The following DENND2C variants were observed in gnomAD, a reference collection of about 807,000 sequenced individuals.
DENND2C encodes DENN domain-containing protein 2C.
Under a neutral mutation model 112.4 loss-of-function variants are expected in DENND2C, and 72 were observed. That is an observed-to-expected ratio of 0.64 (90% confidence interval 0.53 to 0.78). The LOEUF (loss-of-function observed/expected upper bound fraction) is 0.78, where lower values mean the gene tolerates loss of function less well. Among genes scored for constraint, DENND2C ranks in the 30% least tolerant of loss-of-function variants. The pLI is 0.00. For missense variants in DENND2C, 992 were observed against 1,113.8 expected (o/e 0.89, Z 1.56); for synonymous variants, 329 against 381.6 (o/e 0.86, Z 1.61).
chr1:114,647,719 C>T (rs560664110), intron 2 of DENND2C, among the ~76,000 whole-genome samples: 1 of 152,130 alleles, frequency 6.6e-6, no homozygotes, highest in East Asian at 1.9e-4. Context: ...CTACGCCTGA[C>T]CTGTATAGCA....
At chr1:114,621,805 CTAT>C (rs1656173390) in intron 7 of DENND2C, 87 bp downstream of exon 7, 5 of 1,488,632 alleles carry the variant, frequency 3.4e-6, no homozygotes, top group South Asian at 1.3e-5. Flanking sequence ...CAGTTCTAAC[CTAT>C]TATTCATTTC....
At position 114,647,665 on chromosome 1, in the gene DENND2C, C is replaced by T. The variant is rs1447637007; in HGVS notation, c.-316-2106G>A. Among the ~76,000 whole-genome samples, 4 of 152,250 alleles carry T rather than the reference C, an allele frequency of 2.6e-5. No individual in the cohort carries two copies. In the East Asian group the frequency reaches 7.7e-4, roughly 29 times the overall value. ...GTGACCCCTAACCTCAAGTGATTCG[C>T]CTGCCTCAGCCTCCCAAAGTGCTGA... On this transcript the variant is annotated intron_variant, in intron 2 of 20. Coordinates refer to ENST00000393274, the MANE Select transcript of DENND2C (RefSeq NM_001256404.2).
chr1:114,652,864 TC>T (rs1475347216), intron 2 of DENND2C, among the ~76,000 whole-genome samples: 1 of 151,770 alleles, frequency 6.6e-6, no homozygotes, highest in Non-Finnish European at 1.5e-5. Flanking sequence ...CTTTAAATAA[TC>T]TCGAGATTAC....
At chr1:114,656,420 CAG>C (rs1429429725) in intron 1 of DENND2C, among the ~76,000 whole-genome samples, 1 of 134,262 alleles carries the variant, frequency 7.4e-6, no homozygotes, top group Non-Finnish European at 1.6e-5. Context: ...TTTTTTGAGA[CAG>C]AGTCTTGCTC....
chr1:114,625,170 A>G lies in DENND2C; in HGVS notation c.806+9T>C, dbSNP rs1158340762. The stretch of plus-strand genomic sequence containing the variant: ...CCTACAAGTCTTTATCTGTAGGATA[A>G]AAACATACCTTTTAGATCTTCCTCT... On this transcript the variant is annotated intron_variant, in intron 4 of 20. Coordinates refer to ENST00000393274, the MANE Select transcript of DENND2C (RefSeq NM_001256404.2). The G allele has an allele frequency of 6.3e-7, 1 of 1,590,464 alleles. No individual in the cohort carries two copies. Among genetic ancestry groups the G allele is most frequent in the Admixed American group, 1.8e-5 (1 of 54,750 alleles).
intron 3 of DENND2C, among the ~76,000 whole-genome samples, chr1:114,634,745 C>T (rs190522714): frequency 2.2e-4 from 33 of 152,052 alleles, no homozygotes; most frequent in Admixed American, 1.9e-3. Context: ...AACTGGAACA[C>T]GGCCGGGCAT....
At position 114,648,051 on chromosome 1, in the gene DENND2C, AC is replaced by A. The variant is rs368146922; in HGVS notation, c.-316-2493del. 6.6e-5 allele frequency among the ~76,000 whole-genome samples: 10 copies of A among 151,172 alleles called. No homozygotes were observed. The East Asian group carries it at 1.8e-3, about 27-fold the overall frequency. On this transcript the variant is annotated intron_variant, in intron 2 of 20. Transcript: ENST00000393274. The stretch of plus-strand genomic sequence containing the variant: ...TCAAACTCCTGACCTCAGGTGATCC[AC>A]CCGCCTTGGCCTCCCAAAGTGCTGG...
chr1:114,605,491 G>A (rs983524897), intron 10 of DENND2C, among the ~76,000 whole-genome samples: 2 of 152,216 alleles, frequency 1.3e-5, no homozygotes, highest in Non-Finnish European at 2.9e-5. Context: ...TGAAATGGTA[G>A]ATGAATGTTA....
At chr1:114,641,136 A>G (rs949848373) in intron 3 of DENND2C, among the ~76,000 whole-genome samples, 1 of 152,020 alleles carries the variant, frequency 6.6e-6, no homozygotes, top group Admixed American at 6.6e-5. Flanking sequence ...AGGTGAACAG[A>G]ATAAATCACT....
rs140038341 is a variant in DENND2C, at chr1:114,625,817, G to T, written c.168C>A (p.Ile56=). 26 of 1,613,936 alleles carry T rather than the reference G, an allele frequency of 1.6e-5. No individual in the cohort carries two copies. Among genetic ancestry groups the T allele is most frequent in the Middle Eastern group, 1.6e-4 (1 of 6,080 alleles). ...CAGCTATAGGATTTTTCTTAAGACG[G>T]ATCTCTTGGTGACAGTTATATCTCA... ...FGVRYNCHQE[I]RLKKNPIAER... Residue 56 remains isoleucine (I), a synonymous_variant, in exon 4 of 21, where the codon ATC becomes ATA. Transcript: ENST00000393274.
At chr1:114,611,216 A>C (rs1655807577) in intron 8 of DENND2C, 99 bp from the exon 9 acceptor site, 2 of 1,340,754 alleles carry the variant, frequency 1.5e-6, no homozygotes, top group African/African-American at 1.5e-5. Context: ...ACTTGGAGTA[A>C]GGAATAATAA....
intron 18 of DENND2C, among the ~76,000 whole-genome samples, chr1:114,590,250 C>T (rs902937111): frequency 1.3e-5 from 2 of 152,068 alleles, no homozygotes; most frequent in Admixed American, 6.6e-5. Flanking sequence ...ATTAGCTGAG[C>T]GTGGTGGCAC....
At chr1:114,619,471 AC>A (rs1170124119) in intron 7 of DENND2C, among the ~76,000 whole-genome samples, 3 of 152,146 alleles carry the variant, frequency 2.0e-5, no homozygotes, top group African/African-American at 7.2e-5. Flanking sequence ...AGCCATCCTG[AC>A]AATCGACAGG....
At chr1:114,605,688 A>T (rs1655640947) in intron 10 of DENND2C, among the ~76,000 whole-genome samples, 1 of 152,174 alleles carries the variant, frequency 6.6e-6, no homozygotes, top group South Asian at 2.1e-4. Flanking sequence ...GCTACTCAGG[A>T]GGCTGAGAAG....
At chr1:114,590,083 A>G (rs1046155839) in intron 18 of DENND2C, among the ~76,000 whole-genome samples, 3 of 152,170 alleles carry the variant, frequency 2.0e-5, no homozygotes, top group Non-Finnish European at 4.4e-5. Context: ...TTTATTCAAT[A>G]TATGTTTTTA....
At chr1:114,614,771 G>A (rs1176679584) in intron 8 of DENND2C, among the ~76,000 whole-genome samples, 3 of 152,152 alleles carry the variant, frequency 2.0e-5, no homozygotes, top group Non-Finnish European at 4.4e-5. Flanking sequence ...CCAGTACTTT[G>A]GGAGGCCGAG....
intron 1 of DENND2C, among the ~76,000 whole-genome samples, chr1:114,664,653 T>C (rs1657597393): frequency 6.6e-6 from 1 of 151,688 alleles, no homozygotes. Flanking sequence ...CTAATTTCTG[T>C]GTTTTTAGTA....
rs193188123 is a variant in DENND2C at position 114,645,514 on chromosome 1, T to C, written c.-271A>G. 1 of 152,288 alleles carries C rather than the reference T, an allele frequency of 6.6e-6. No homozygotes were observed. The highest frequency in any genetic ancestry group is 1.9e-4 in the East Asian group (1 of 5,186). The allele number at this position is 152,288 out of a possible 1,614,324, so 9.4% of individuals were successfully genotyped here. ...TTGTGAGAATATCAATCTCTGGCGT[T>C]TGAACCACTCAATCTGCGGTATTTG... On this transcript the variant is annotated 5_prime_UTR_variant, in exon 3 of 21. Coordinates refer to ENST00000393274, the MANE Select transcript of DENND2C (RefSeq NM_001256404.2).
chr1:114,659,543 T>C (rs1657430608), intron 1 of DENND2C, among the ~76,000 whole-genome samples: 1 of 152,142 alleles, frequency 6.6e-6, no homozygotes, highest in Non-Finnish European at 1.5e-5. Context: ...GTAGTGATGC[T>C]TGAAAGATAC....
Sources: gnomAD v4.1 joint callset for allele counts (sites outside exome capture counted in the v4.1 genomes callset) on GRCh38, gnomAD v4.1.1 for gene constraint, MANE v1.5 for transcripts, NCBI Gene and HGNC (gene_info 2026-07-23, HGNC 2026-07-21) for gene names.